BIN1: variants seen among roughly 807,000 people sequenced by gnomAD.
The protein encoded by BIN1 is myc box-dependent-interacting protein 1.
In BIN1, 53 loss-of-function variants were observed where a neutral mutation model predicts 82.0. The observed-to-expected ratio is 0.65, with a 90% CI of 0.52 to 0.81. BIN1 has a LOEUF of 0.81. Among genes scored for constraint, BIN1 ranks in the 40% least tolerant of loss-of-function variants. The pLI is 0.00. For missense variants in BIN1, 642 were observed against 784.4 expected, an observed-to-expected ratio of 0.82 and a Z score of 2.17; for synonymous variants, 302 against 328.0, an observed-to-expected ratio of 0.92 and a Z score of 0.86.
At chr2:127,054,128 C>T (rs1229650804) in intron 12 of BIN1, 116 bp from the exon 13 acceptor site, 5 of 814,000 alleles carry the variant, frequency 6.1e-6, no homozygotes, top group African/African-American at 3.6e-5. Context: ...CATACACACA[C>T]CACGCATGCA....
intron 1 of BIN1, among the ~76,000 whole-genome samples, chr2:127,085,299 G>A (rs752420418): frequency 3.3e-5 from 5 of 152,170 alleles, no homozygotes; most frequent in East Asian, 1.9e-4. Flanking sequence ...ACTTCTTAGC[G>A]GCTAGCCACC....
chr2:127,048,781 C>G, intron 18 of BIN1, 148 bp from the exon 19 acceptor site: 1 of 738,132 alleles, frequency 1.4e-6, no homozygotes, highest in Non-Finnish European at 2.4e-6. Flanking sequence ...AACACCTCCT[C>G]CAGGCAGCAC....
In BIN1 at chr2:127,094,000, G is replaced by C. The variant is rs1315759857; in HGVS notation, c.84+12860C>G. Reference sequence around the variant, plus strand: ...AGCTAGACACCCCCCACTGGCCTAAGGCCCTGCTCCCTGCCCTGGAGCAGG... The same window carrying C: ...AGCTAGACACCCCCCACTGGCCTAACGCCCTGCTCCCTGCCCTGGAGCAGG... On this transcript the variant is annotated intron_variant, in intron 1 of 18. Coordinates refer to ENST00000316724, the MANE Select transcript of BIN1 (RefSeq NM_139343.3). This position sits in a 1 kb window ranked among gnomAD's most constrained non-coding sequence, Gnocchi z 5.7. Among the ~76,000 whole-genome samples the C allele has an allele frequency of 6.6e-6, 1 of 152,176 alleles. No individual in the cohort carries two copies. The highest frequency in any genetic ancestry group is 1.9e-4 in the East Asian group (1 of 5,172).
chr2:127,077,003 C>T (rs558842247), intron 1 of BIN1, among the ~76,000 whole-genome samples: 23 of 152,240 alleles, frequency 1.5e-4, no homozygotes, highest in Admixed American at 9.8e-4. Flanking sequence ...CAAGAAGGAT[C>T]GGGCACCCTC....
rs558217136 is a variant in BIN1 at position 127,080,775 on chromosome 2, G to T, written c.85-4069C>A. On this transcript the variant is annotated intron_variant, in intron 1 of 18. Transcript: ENST00000316724. ...GACACCCCAGGGCAGGGCAGGGAGGGGGGGCAGGTGGCAGGAATGACAAAG... is the reference window on the plus strand; with the variant it reads ...GACACCCCAGGGCAGGGCAGGGAGGTGGGGCAGGTGGCAGGAATGACAAAG... Among the ~76,000 whole-genome samples the T allele has an allele frequency of 2.7e-4, 41 of 152,286 alleles. No individual in the cohort carries two copies. The South Asian group carries it at 7.5e-3, about 28-fold the overall frequency.
intron 17 of BIN1, 47 bp downstream of exon 17, chr2:127,050,755 C>T: frequency 6.3e-7 from 1 of 1,591,596 alleles, no homozygotes; most frequent in Middle Eastern, 1.7e-4. Context: ...TCTCATCTGC[C>T]CACCAGGGCA....
In BIN1 at chr2:127,059,277, T is replaced by TG; in HGVS notation, c.858-123dup. On this transcript the variant is annotated intron_variant, in intron 10 of 18. Transcript: ENST00000316724. The surrounding 1 kb of genome is among the most constrained non-coding windows in gnomAD (Gnocchi z 6.7). ...GCATATGGAGGTGTGAAACTGTGTG[T>TG]GTGTGTGTGTGTGTGTATGTGAGAG... The TG allele has an allele frequency of 1.0e-6, 1 of 976,228 alleles. No individual in the cohort carries two copies. Among genetic ancestry groups the TG allele is most frequent in the Non-Finnish European group, 1.5e-6 (1 of 670,104 alleles). 60.5% of individuals were successfully genotyped at this position (976,228 alleles called of 1,614,324 possible). A position where few individuals can be genotyped will look rare whatever the true frequency, so the allele number is the denominator to read the frequency against.
chr2:127,100,513 G>A (rs1680180003), intron 1 of BIN1, among the ~76,000 whole-genome samples: 1 of 152,196 alleles, frequency 6.6e-6, no homozygotes, highest in Non-Finnish European at 1.5e-5. Context: ...GCCCACTGGG[G>A]AGTCACACAA....
intron 1 of BIN1, among the ~76,000 whole-genome samples, chr2:127,094,733 C>A (rs1274171787): frequency 6.6e-6 from 1 of 152,244 alleles, no homozygotes. Flanking sequence ...GTGATCAGGG[C>A]TCCCACAGTG....
chr2:127,058,890 A>G (rs945544379), intron 11 of BIN1, 121 bp downstream of exon 11: 55 of 1,428,772 alleles, frequency 3.8e-5, no homozygotes, highest in Non-Finnish European at 4.9e-5. Context: ...TGGGCAAAGC[A>G]TCGGGTCCAT....
Position 127,106,988 on chromosome 2 carries a change from G to A in BIN1, c.-45C>T, listed in dbSNP as rs369377173. ...GGTGGCAGGGGCCGCTCTCGCGCGG[G>A]GAGATCTTGCGCGCCGCGCTCCCAG... is the stretch of plus-strand genomic sequence containing the variant. On this transcript the variant is annotated 5_prime_UTR_variant, in exon 1 of 19. Coordinates refer to ENST00000316724, the MANE Select transcript of BIN1 (RefSeq NM_139343.3). 1.3e-6 allele frequency: 2 copies of A among 1,574,812 alleles called. No homozygotes were observed. Among genetic ancestry groups the A allele is most frequent in the African/African-American group, 1.4e-5 (1 of 71,756 alleles).
At chr2:127,052,462 G>A in intron 14 of BIN1, 100 bp from the exon 15 acceptor site, 1 of 1,207,406 alleles carries the variant, frequency 8.3e-7, no homozygotes, top group Non-Finnish European at 1.2e-6. Context: ...GTCACCAGCG[G>A]CTGGGGTTGG....
rs143293814 is a variant in BIN1, at chr2:127,090,913, G to A, written c.85-14207C>T. Among the ~76,000 whole-genome samples the A allele has an allele frequency of 7.2e-5, 11 of 152,188 alleles. No individual in the cohort carries two copies. The highest frequency in any genetic ancestry group is 4.1e-4 in the South Asian group (2 of 4,824). On this transcript the variant is annotated intron_variant, in intron 1 of 18. Coordinates refer to ENST00000316724, the MANE Select transcript of BIN1 (RefSeq NM_139343.3). The surrounding 1 kb of genome is among the most constrained non-coding windows in gnomAD (Gnocchi z 6.4). ...TCACCTCCTCCAGGCAGCCTTCCCC[G>A]ACTCCACTCCAGGCACAGGAGCTGA...
In BIN1 at chr2:127,105,260, G is replaced by A. The variant is rs1680887425; in HGVS notation, c.84+1600C>T. Among the ~76,000 whole-genome samples, 5 of 152,176 alleles carry A rather than the reference G, an allele frequency of 3.3e-5. No individual in the cohort carries two copies. The South Asian group carries it at 1.0e-3, about 32-fold the overall frequency. ...CAGTGGGAAGGGGGCAGGGAACACA[G>A]CTCAGCTAACCTCCCTTCCCATTCA... is the stretch of plus-strand genomic sequence containing the variant. On this transcript the variant is annotated intron_variant, in intron 1 of 18. Transcript: ENST00000316724.
At chr2:127,086,199 T>A (rs6708935) in intron 1 of BIN1, among the ~76,000 whole-genome samples, 90,279 of 151,956 alleles carry the variant, frequency 0.59, 27,035 homozygotes, top group African/African-American at 0.63. Context: ...GCTAATGAGC[T>A]CTAGAGCCAG....
Position 127,070,760 on chromosome 2 carries a change from A to G in BIN1, c.220+2T>C. ...GCCAGGTGCGCTCTGCCTGCCTCCT[A>G]CCTTTGACGGAGGCCAGGTAGGTCC... On this transcript the variant is annotated splice_donor_variant, in intron 3 of 18. Transcript: ENST00000316724. LOFTEE classifies it high-confidence loss of function. The G allele has an allele frequency of 6.2e-7, 1 of 1,613,572 alleles. No homozygotes were observed. Among genetic ancestry groups the G allele is most frequent in the Non-Finnish European group, 8.5e-7 (1 of 1,179,932 alleles).
intron 1 of BIN1, among the ~76,000 whole-genome samples, chr2:127,084,653 G>A (rs547508373): frequency 3.3e-5 from 5 of 152,346 alleles, no homozygotes; most frequent in Admixed American, 1.3e-4. Flanking sequence ...GAAAGGCTGC[G>A]GCACTGAAGG....
intron 1 of BIN1, among the ~76,000 whole-genome samples, chr2:127,085,172 T>G (rs1300922717): frequency 6.6e-6 from 1 of 152,076 alleles, no homozygotes; most frequent in Non-Finnish European, 1.5e-5. Flanking sequence ...CTGGGCCCCT[T>G]GCAGCAGCCC....
intron 1 of BIN1, among the ~76,000 whole-genome samples, chr2:127,083,304 T>C (rs1687541453): frequency 6.6e-6 from 1 of 152,108 alleles, no homozygotes; most frequent in Non-Finnish European, 1.5e-5. Context: ...TGTCTGGAAC[T>C]CCTAGCCTCA....
Sources: gnomAD v4.1 joint callset for allele counts (sites outside exome capture counted in the v4.1 genomes callset) on GRCh38, gnomAD v4.1.1 for gene constraint, Gnocchi (gnomAD v3.1) non-coding constraint, MANE v1.5 for transcripts, NCBI Gene and HGNC (gene_info 2026-07-23, HGNC 2026-07-21) for gene names.